CD2AP: variants seen among roughly 807,000 people sequenced by gnomAD.
CD2AP encodes the protein CD2-associated protein.
In CD2AP, 46 loss-of-function variants were observed where a neutral mutation model predicts 85.1. The ratio of observed to expected loss-of-function variants is 0.54; its 90% CI spans 0.43 to 0.69. The LOEUF is 0.69. CD2AP is among the 30% of genes least tolerant of loss of function. The pLI is 0.00. For missense variants in CD2AP, 769 were observed against 729.5 expected, an observed-to-expected ratio of 1.05 and a Z score of -0.62; for synonymous variants, 255 against 252.9, an observed-to-expected ratio of 1.01 and a Z score of -0.08.
At chr6:47,482,090 G>C (rs1765460770) in intron 1 of CD2AP, among the ~76,000 whole-genome samples, 1 of 152,204 alleles carries the variant, frequency 6.6e-6, no homozygotes, top group Non-Finnish European at 1.5e-5. Context: ...CAGATAAGTA[G>C]TTGCAAATGG....
intron 5 of CD2AP, among the ~76,000 whole-genome samples, chr6:47,557,826 A>G (rs1767737977): frequency 1.3e-5 from 2 of 152,184 alleles, no homozygotes; most frequent in South Asian, 2.1e-4. Context: ...TTGGTTCCAT[A>G]TGAAACATAA....
chr6:47,481,709 A>C (rs1392002662), intron 1 of CD2AP, among the ~76,000 whole-genome samples: 1 of 152,012 alleles, frequency 6.6e-6, no homozygotes, highest in Admixed American at 6.6e-5. Flanking sequence ...TCTATAATAG[A>C]GTGATTTCTT....
At chr6:47,516,936 G>A (rs372156497) in intron 2 of CD2AP, among the ~76,000 whole-genome samples, 2 of 152,148 alleles carry the variant, frequency 1.3e-5, no homozygotes, top group Admixed American at 1.3e-4. Flanking sequence ...GCCAATATGA[G>A]TTAGTTGCTG....
At chr6:47,599,553 A>ATCCAACTGTGT (rs1466772651) in intron 13 of CD2AP, 110 bp downstream of exon 13, 1 of 963,214 alleles carries the variant, frequency 1.0e-6, no homozygotes, top group East Asian at 2.6e-5. Context: ...GATAAAGTTG[A>ATCCAACTGTGT]AATTACACAG....
intron 3 of CD2AP, among the ~76,000 whole-genome samples, chr6:47,535,335 A>G (rs746425906): frequency 1.3e-5 from 2 of 152,260 alleles, no homozygotes; most frequent in Non-Finnish European, 2.9e-5. Flanking sequence ...AAATCCCTGT[A>G]GTACAAAATA....
chr6:47,544,504 T>C (rs1767314685), intron 3 of CD2AP, 102 bp from the exon 4 acceptor site: 3 of 791,236 alleles, frequency 3.8e-6, no homozygotes, highest in African/African-American at 1.7e-5. Flanking sequence ...GTTCTGTTTT[T>C]ATTTATTTAT....
chr6:47,533,385 C>T (rs1582524713), intron 2 of CD2AP, among the ~76,000 whole-genome samples: 2 of 152,132 alleles, frequency 1.3e-5, no homozygotes, highest in African/African-American at 4.8e-5. Flanking sequence ...TTTCCTTTAT[C>T]TTCATCTCCA....
chr6:47,583,353 T>G (rs905117729), intron 11 of CD2AP, among the ~76,000 whole-genome samples: 2 of 152,238 alleles, frequency 1.3e-5, no homozygotes, highest in Non-Finnish European at 2.9e-5. Context: ...TATAATGTCC[T>G]GTATCCACCA....
At position 47,606,257 on chromosome 6, in the gene CD2AP, C is replaced by T. The variant is rs758166745; in HGVS notation, c.1510C>T (p.Arg504Cys). 2.8e-5 allele frequency: 45 copies of T among 1,601,108 alleles called. No individual in the cohort carries two copies. The South Asian group carries it at 3.9e-4, about 14-fold the overall frequency. ...PKMPGRRLPG[R>C]FNGGHSPTHS... ...GATGCCTGGAAGAAGGTTGCCGGGC[C>T]GTTTCAATGGTGGACATTCTGTGAG... Residue 504 changes from arginine (R) to cysteine (C), a missense_variant, in exon 14 of 18, where the codon CGT (arginine) becomes TGT (cysteine). Arg to Cys is a radical substitution (Grantham distance 180, BLOSUM62 -3). Transcript: ENST00000359314.
At chr6:47,527,186 C>T (rs1341357049) in intron 2 of CD2AP, among the ~76,000 whole-genome samples, 1 of 152,002 alleles carries the variant, frequency 6.6e-6, no homozygotes. Flanking sequence ...AGGTCATGTT[C>T]ATCAGAAATC....
At chr6:47,621,114 C>A (rs1582634158) in intron 17 of CD2AP, among the ~76,000 whole-genome samples, 1 of 152,154 alleles carries the variant, frequency 6.6e-6, no homozygotes, top group East Asian at 1.9e-4. Context: ...ACATCCTTGT[C>A]CTGTTTCAGT....
At chr6:47,582,402 C>T (rs748922522) in intron 11 of CD2AP, 10 of 193,554 alleles carry the variant, frequency 5.2e-5, no homozygotes, top group Middle Eastern at 2.3e-3. Flanking sequence ...GACCCAGTTC[C>T]TACTTAAGCA....
rs983680626 is a variant in CD2AP, at chr6:47,533,700, T to C, written c.264T>C (p.Tyr88=). ...GTCTTGTACAACGAATAAGCACCTA[T>C]GGACTTCCAGCTGGAGGAATTCAGC... ...VASLVQRIST[Y]GLPAGGIQPH... Residue 88 remains tyrosine (Y), a synonymous_variant, in exon 3 of 18, where the codon TAT becomes TAC. Coordinates refer to ENST00000359314, the MANE Select transcript of CD2AP (RefSeq NM_012120.3). 7.4e-6 allele frequency: 12 copies of C among 1,614,028 alleles called. No homozygotes were observed. Among genetic ancestry groups the C allele is most frequent in the African/African-American group, 1.3e-5 (1 of 74,930 alleles).
At position 47,595,923 on chromosome 6, in the gene CD2AP, A is replaced by G; in HGVS notation, c.1171A>G (p.Lys391Glu). ...AGCAGCTCCACAAGTCCCACCCAAGAAACCTACTCCACCTACCAAAGCCAG... is the reference window on the plus strand; with the variant it reads ...AGCAGCTCCACAAGTCCCACCCAAGGAACCTACTCCACCTACCAAAGCCAG... ...KPAAPQVPPK[K>E]PTPPTKASNL... Residue 391 changes from lysine (K) to glutamate (E), a missense_variant, in exon 12 of 18, where the codon AAA becomes GAA. By Grantham distance (56) the Lys-to-Glu change is moderately conservative (BLOSUM62 1). Transcript: ENST00000359314. The G allele has an allele frequency of 6.2e-7, 1 of 1,613,064 alleles. No individual in the cohort carries two copies. The highest frequency in any genetic ancestry group is 1.1e-5 in the South Asian group (1 of 91,046).
chr6:47,480,842 G>A (rs937479062), intron 1 of CD2AP, among the ~76,000 whole-genome samples: 1 of 152,328 alleles, frequency 6.6e-6, no homozygotes, highest in South Asian at 2.1e-4. Context: ...TGAATTTTAT[G>A]TGATATAACC....
chr6:47,543,173 GAAAA>G (rs1767273767), intron 3 of CD2AP, among the ~76,000 whole-genome samples: 1 of 88,468 alleles, frequency 1.1e-5, no homozygotes, highest in Non-Finnish European at 2.5e-5. Context: ...AAAAAAAAAA[GAAAA>G]AGAAAAAAGA....
intron 1 of CD2AP, among the ~76,000 whole-genome samples, chr6:47,490,198 G>A (rs942276743): frequency 6.6e-6 from 1 of 152,112 alleles, no homozygotes. Flanking sequence ...GCCCAGGCTG[G>A]TCTTAAACTC....
intron 2 of CD2AP, among the ~76,000 whole-genome samples, chr6:47,526,590 G>C (rs1013024242): frequency 2.6e-5 from 4 of 152,106 alleles, no homozygotes; most frequent in African/African-American, 9.7e-5. Flanking sequence ...TAGATCTTGA[G>C]CAATGAATTC....
At chr6:47,577,184 T>G (rs1365537434) in intron 8 of CD2AP, 81 bp downstream of exon 8, 1 of 779,622 alleles carries the variant, frequency 1.3e-6, no homozygotes, top group Non-Finnish European at 2.3e-6. Flanking sequence ...CACCCTAGAG[T>G]GTTCTTATAT....
Sources: gnomAD v4.1 joint callset for allele counts (sites outside exome capture counted in the v4.1 genomes callset) on GRCh38, gnomAD v4.1.1 for gene constraint, MANE v1.5 for transcripts, NCBI Gene and HGNC (gene_info 2026-07-23, HGNC 2026-07-21) for gene names.